The following RBMS3 variants were observed in gnomAD, a reference collection of about 807,000 sequenced individuals.
RBMS3 encodes RNA-binding motif, single-stranded-interacting protein 3.
In RBMS3, 27 loss-of-function variants were observed where a neutral mutation model predicts 66.8. That is an observed-to-expected ratio of 0.40 (90% confidence interval 0.30 to 0.56). The LOEUF (loss-of-function observed/expected upper bound fraction) is 0.56, where lower values mean the gene tolerates loss of function less well. Ranked by LOEUF, RBMS3 falls within the 20% of genes least tolerant of loss-of-function variation. The probability of loss-of-function intolerance (pLI) is 0.40; values close to 1 mark genes in which losing one functional copy is unlikely to be tolerated. For synonymous variants in RBMS3, 188 were observed against 183.0 expected (o/e 1.03, Z -0.22); for missense variants, 513 against 549.5 (o/e 0.93, Z 0.66).
intron 3 of RBMS3, among the ~76,000 whole-genome samples, chr3:29,533,508 G>A (rs115582204): frequency 0.018 from 2,794 of 151,840 alleles, 86 homozygotes; most frequent in African/African-American, 0.064. Context: ...CCGGCATGGT[G>A]GCTCACACCT....
intron 2 of RBMS3, among the ~76,000 whole-genome samples, chr3:29,476,477 A>G (rs953897354): frequency 6.6e-6 from 1 of 152,214 alleles, no homozygotes; most frequent in Non-Finnish European, 1.5e-5. Context: ...CCATCGATTT[A>G]TGCGATTATG....
chr3:29,760,844 C>T (rs947484792), intron 5 of RBMS3, among the ~76,000 whole-genome samples: 6 of 152,014 alleles, frequency 3.9e-5, no homozygotes, highest in African/African-American at 1.4e-4. Flanking sequence ...GAGTAGTAAA[C>T]AAAATGCTGT....
intron 6 of RBMS3, among the ~76,000 whole-genome samples, chr3:29,817,301 T>C (rs969082904): frequency 4.0e-5 from 6 of 150,340 alleles, no homozygotes; most frequent in African/African-American, 1.2e-4. Flanking sequence ...CCACCTGGGT[T>C]CAAGCGATTC....
intron 2 of RBMS3, among the ~76,000 whole-genome samples, chr3:29,470,072 C>T (rs1480386321): frequency 6.7e-6 from 1 of 148,156 alleles, no homozygotes; most frequent in Non-Finnish European, 1.5e-5. Context: ...ATTTAAACTT[C>T]AATAATTAAA....
At position 29,996,444 on chromosome 3, in the gene RBMS3, C is replaced by T. The variant is rs1429100176; in HGVS notation, c.1307+5235C>T. On this transcript the variant is annotated intron_variant, in intron 14 of 14. Transcript: ENST00000383767. ...TAATAGACACCTACAGAACTCTCCACCCCAAATCAACAGAATATACATTTT... is the reference window on the plus strand; with the variant it reads ...TAATAGACACCTACAGAACTCTCCATCCCAAATCAACAGAATATACATTTT... Among the ~76,000 whole-genome samples the T allele has an allele frequency of 2.7e-5, 4 of 150,300 alleles. No individual in the cohort carries two copies. The East Asian group carries it at 7.8e-4, about 29-fold the overall frequency.
chr3:29,468,001 C>T (rs1194665533), intron 2 of RBMS3, among the ~76,000 whole-genome samples: 2 of 152,124 alleles, frequency 1.3e-5, no homozygotes, highest in Non-Finnish European at 2.9e-5. Context: ...TGCTTTACCT[C>T]TTTGCCTGTT....
intron 4 of RBMS3, chr3:29,642,635 G>A (rs530624359): frequency 1.3e-5 from 2 of 152,194 alleles, no homozygotes; most frequent in South Asian, 4.2e-4. Context: ...TGGGAACTTG[G>A]TAAGAACCTG....
chr3:29,769,718 A>G (rs143927292), intron 6 of RBMS3, among the ~76,000 whole-genome samples: 1 of 151,834 alleles, frequency 6.6e-6, no homozygotes, highest in Non-Finnish European at 1.5e-5. Flanking sequence ...TTCTCACTAA[A>G]TACTCTTTGG....
intron 3 of RBMS3, among the ~76,000 whole-genome samples, chr3:29,572,352 A>G (rs1006153466): frequency 2.0e-5 from 3 of 152,040 alleles, no homozygotes; most frequent in Non-Finnish European, 2.9e-5. Flanking sequence ...TCATGTTCTT[A>G]TAGGAAAGGG....
chr3:29,392,001 G>A (rs968091144), intron 1 of RBMS3, among the ~76,000 whole-genome samples: 1 of 152,250 alleles, frequency 6.6e-6, no homozygotes, highest in East Asian at 1.9e-4. Flanking sequence ...TGTAATCCCA[G>A]CACTTTGGGA....
chr3:29,784,226 G>A (rs777406315), intron 6 of RBMS3, among the ~76,000 whole-genome samples: 2 of 151,950 alleles, frequency 1.3e-5, no homozygotes, highest in East Asian at 1.9e-4. Context: ...ACATTCTACC[G>A]AACAACTGCA....
intron 10 of RBMS3, among the ~76,000 whole-genome samples, chr3:29,905,073 C>T (rs74472268): frequency 0.035 from 5,296 of 151,718 alleles, 109 homozygotes; most frequent in African/African-American, 0.044. Context: ...AAACTTTTTC[C>T]GTAAAAAGCC....
At chr3:29,380,959 G>A (rs1002318794) in intron 1 of RBMS3, among the ~76,000 whole-genome samples, 3 of 152,114 alleles carry the variant, frequency 2.0e-5, no homozygotes, top group African/African-American at 4.8e-5. Flanking sequence ...CAAAAGTAAT[G>A]CTCTAAACTA....
At chr3:29,505,555 G>A (rs199865650) in intron 3 of RBMS3, among the ~76,000 whole-genome samples, 1 of 146,052 alleles carries the variant, frequency 6.8e-6, no homozygotes, top group East Asian at 2.0e-4. Flanking sequence ...AGATAGCTTT[G>A]GCTGTTTGAG....
intron 3 of RBMS3, among the ~76,000 whole-genome samples, chr3:29,495,648 C>T (rs986867641): frequency 2.0e-5 from 3 of 151,868 alleles, no homozygotes; most frequent in Non-Finnish European, 4.4e-5. Context: ...GAACTCCTGA[C>T]CTCAAGTGAT....
At chr3:29,337,173 A>G (rs1341215370) in intron 1 of RBMS3, among the ~76,000 whole-genome samples, 2 of 152,096 alleles carry the variant, frequency 1.3e-5, no homozygotes, top group Admixed American at 6.6e-5. Flanking sequence ...ATATTTGTAA[A>G]CTAATGAATA....
intron 3 of RBMS3, among the ~76,000 whole-genome samples, chr3:29,506,880 AG>A (rs2044201505): frequency 1.3e-5 from 2 of 151,776 alleles, no homozygotes; most frequent in South Asian, 4.1e-4. Context: ...AATTGTTCAT[AG>A]AAGTCTCCTA....
intron 10 of RBMS3, chr3:29,924,759 T>TGGGAGGCGGAGATTGCA (rs2060887142): frequency 6.6e-6 from 1 of 151,964 alleles, no homozygotes. Context: ...CGCTTGAACC[T>TGGGAGGCGGAGATTGCA]GGGAGGCGGA....
intron 2 of RBMS3, among the ~76,000 whole-genome samples, chr3:29,454,064 T>C (rs1287408258): frequency 6.6e-6 from 1 of 152,204 alleles, no homozygotes; most frequent in Non-Finnish European, 1.5e-5. Context: ...AAAAATTTCT[T>C]CCCTAGGCAT....
Sources: allele counts gnomAD v4.1 joint callset (sites outside exome capture counted in the v4.1 genomes callset), GRCh38; gene constraint gnomAD v4.1.1; transcripts MANE v1.5; gene names NCBI Gene and HGNC (gene_info 2026-07-23, HGNC 2026-07-21).